Variants in CEP192 observed in about 807,000 individuals in gnomAD.
CEP192 encodes centrosomal protein of 192 kDa.
In CEP192, 151 loss-of-function variants were observed where a neutral mutation model predicts 271.8. The ratio of observed to expected loss-of-function variants is 0.56; its 90% CI spans 0.49 to 0.64. The LOEUF (loss-of-function observed/expected upper bound fraction) is 0.64, where lower values mean the gene tolerates loss of function less well. CEP192 is among the 30% of genes least tolerant of loss of function. The pLI is 0.00. For missense variants in CEP192, 2,910 were observed against 3,020.5 expected (o/e 0.96, Z 0.86); for synonymous variants, 995 against 1,076.5 (o/e 0.92, Z 1.48).
intron 11 of CEP192, among the ~76,000 whole-genome samples, chr18:13,034,130 TA>T (rs2035784108): frequency 6.6e-6 from 1 of 152,192 alleles, no homozygotes; most frequent in East Asian, 1.9e-4. Context: ...GTATTACTAT[TA>T]AAAAATAAAA....
At chr18:13,032,913 GCTGA>G (rs1051089665) in intron 11 of CEP192, among the ~76,000 whole-genome samples, 6 of 152,068 alleles carry the variant, frequency 3.9e-5, no homozygotes, top group African/African-American at 1.2e-4. Flanking sequence ...ATGACGTAAA[GCTGA>G]CTAAGAACAC....
intron 40 of CEP192, among the ~76,000 whole-genome samples, chr18:13,106,632 A>G (rs1445770384): frequency 1.3e-5 from 2 of 151,246 alleles, no homozygotes. Flanking sequence ...CATTTCCCAC[A>G]CAACCCTCAA....
chr18:13,014,524 A>G (rs2034534277), intron 5 of CEP192, among the ~76,000 whole-genome samples: 1 of 152,268 alleles, frequency 6.6e-6, no homozygotes, highest in Non-Finnish European at 1.5e-5. Flanking sequence ...GCTTTCCCAT[A>G]CAGATTTTTT....
At chr18:13,054,342 G>A (rs1012922694) in intron 18 of CEP192, among the ~76,000 whole-genome samples, 4 of 152,220 alleles carry the variant, frequency 2.6e-5, no homozygotes, top group Non-Finnish European at 4.4e-5. Context: ...GTGTGTGGAC[G>A]TTGTGGATGT....
chr18:12,992,480 T>G (rs1477991007), intron 1 of CEP192, among the ~76,000 whole-genome samples: 1 of 152,270 alleles, frequency 6.6e-6, no homozygotes, highest in East Asian at 1.9e-4. Context: ...GATGTGAAAT[T>G]TGAGGTCACT....
intron 9 of CEP192, among the ~76,000 whole-genome samples, chr18:13,029,050 G>A (rs934401065): frequency 3.3e-5 from 5 of 152,196 alleles, no homozygotes; most frequent in African/African-American, 1.2e-4. Context: ...TGATACCATG[G>A]TGGCAGCCAA....
intron 4 of CEP192, among the ~76,000 whole-genome samples, chr18:13,009,008 C>CTTTTTTTTTTTTT (rs1193857966): frequency 4.4e-5 from 5 of 113,556 alleles, no homozygotes; most frequent in Non-Finnish European, 3.4e-5. Flanking sequence ...TGTGCCTGGC[C>CTTTTTTTTTTTTT]TTTTTGTTTT....
At chr18:13,002,621 C>T (rs150885032) in intron 3 of CEP192, among the ~76,000 whole-genome samples, 2 of 152,170 alleles carry the variant, frequency 1.3e-5, no homozygotes, top group African/African-American at 2.4e-5. Context: ...TTCTGAATGC[C>T]GACTTCTCCC....
At chr18:13,111,119 T>A (rs2040190103) in intron 40 of CEP192, among the ~76,000 whole-genome samples, 1 of 152,082 alleles carries the variant, frequency 6.6e-6, no homozygotes, top group Non-Finnish European at 1.5e-5. Context: ...ACACCTAATA[T>A]TTGTGGGGTT....
At chr18:13,098,932 C>T (rs1033112827) in intron 36 of CEP192, among the ~76,000 whole-genome samples, 7 of 152,196 alleles carry the variant, frequency 4.6e-5, no homozygotes, top group African/African-American at 1.7e-4. Context: ...AATCCCGGCA[C>T]CTCGGGAGGC....
intron 36 of CEP192, among the ~76,000 whole-genome samples, chr18:13,097,188 A>G (rs772603049): frequency 6.6e-6 from 1 of 152,188 alleles, no homozygotes; most frequent in African/African-American, 2.4e-5. Context: ...AGCTAATGGT[A>G]GAACAGGTTC....
At chr18:13,087,462 T>G in intron 31 of CEP192, 69 bp from the exon 32 acceptor site, 1 of 988,250 alleles carries the variant, frequency 1.0e-6, no homozygotes, top group Non-Finnish European at 1.5e-6. Context: ...CTCGTAAGAT[T>G]GTTGAATCAG....
intron 18 of CEP192, among the ~76,000 whole-genome samples, chr18:13,054,450 CG>C (rs1555721363): frequency 1.6e-4 from 24 of 152,154 alleles, no homozygotes; most frequent in Non-Finnish European, 4.4e-5. Flanking sequence ...GAATACACAG[CG>C]TAGTGTGAGA....
chr18:13,008,706 T>G, intron 4 of CEP192, 75 bp downstream of exon 4: 1 of 1,141,236 alleles, frequency 8.8e-7, no homozygotes. Flanking sequence ...CTTTGGATTT[T>G]TTTTTTTTTT....
chr18:13,055,953 T>C lies in CEP192; in HGVS notation c.3363T>C (p.Thr1121=). Residue 1121 remains threonine (T), a synonymous_variant, in exon 19 of 45, where the codon ACT becomes ACC. Coordinates refer to ENST00000506447, the MANE Select transcript of CEP192 (RefSeq NM_032142.4). The stretch of plus-strand genomic sequence containing the variant: ...ATACAAGAAAAGCAACTGAAACTAC[T>C]TCTCTGAGTAGCAAGCCTGAATATG... ...NSDTRKATET[T]SLSSKPEYVK... is the part of the protein sequence containing the mutation. 1 of 1,614,228 alleles carries C rather than the reference T, an allele frequency of 6.2e-7. No individual in the cohort carries two copies. The highest frequency in any genetic ancestry group is 8.5e-7 in the Non-Finnish European group (1 of 1,180,042).
chr18:13,119,606 G>C (rs1041211587), intron 44 of CEP192, among the ~76,000 whole-genome samples: 1 of 152,118 alleles, frequency 6.6e-6, no homozygotes, highest in Non-Finnish European at 1.5e-5. Context: ...GCCACGCATG[G>C]TGGCAGGCGC....
intron 41 of CEP192, 86 bp from the exon 42 acceptor site, chr18:13,114,044 G>T: frequency 1.4e-6 from 2 of 1,455,900 alleles, no homozygotes; most frequent in Non-Finnish European, 1.9e-6. Context: ...ATTTTTAAAG[G>T]AAATGATAGA....
chr18:13,040,055 G>A (rs2036121308), intron 13 of CEP192, among the ~76,000 whole-genome samples: 1 of 152,170 alleles, frequency 6.6e-6, no homozygotes, highest in African/African-American at 2.4e-5. Flanking sequence ...TGTAGTGTTA[G>A]AAGTCACAGC....
At chr18:13,011,382 GTGGCATAGCCACTT>G (rs1370285467) in intron 4 of CEP192, among the ~76,000 whole-genome samples, 3 of 152,136 alleles carry the variant, frequency 2.0e-5, no homozygotes, top group Non-Finnish European at 4.4e-5. Flanking sequence ...GAAATGTAAA[GTGGCATAGCCACTT>G]TGGAAAGCAG....
Sources: allele counts gnomAD v4.1 joint callset (sites outside exome capture counted in the v4.1 genomes callset), GRCh38; gene constraint gnomAD v4.1.1; transcripts MANE v1.5; gene names NCBI Gene and HGNC (gene_info 2026-07-23, HGNC 2026-07-21).